Variants in PCDH15 observed in about 807,000 individuals in gnomAD.
The protein encoded by PCDH15 is protocadherin related 15, also known as protocadherin-15.
Under a neutral mutation model 178.5 loss-of-function variants are expected in PCDH15, and 129 were observed. The observed-to-expected ratio is 0.72, with a 90% CI of 0.63 to 0.84. PCDH15 has a LOEUF of 0.84. Among genes scored for constraint, PCDH15 ranks in the 40% least tolerant of loss-of-function variants. The probability of loss-of-function intolerance (pLI) is 0.00; values close to 1 mark genes in which losing one functional copy is unlikely to be tolerated. For synonymous variants in PCDH15, 800 were observed against 732.0 expected (o/e 1.09, Z -1.50); for missense variants, 2,230 against 2,099.9 (o/e 1.06, Z -1.21).
Position 55,463,901 on chromosome 10 carries a change from GAAAGAAAGAAAGAAAGAAAGAAAGAA to G in PCDH15, c.-156+163698_-156+163723del, listed in dbSNP as rs1839739003. 4.8e-3 allele frequency among the ~76,000 whole-genome samples: 48 copies of G among 10,006 alleles called. 5 individuals are homozygous for G. Among genetic ancestry groups the G allele is most frequent in the African/African-American group, 8.9e-3 (42 of 4,718 alleles). 6.6% of individuals were successfully genotyped at this position (10,006 alleles called of 152,430 possible). ...AGAGAGAAAGAGAGGGAGAGAGAGA[GAAAGAAAGAAAGAAAGAAAGAAAGAA>G]AGAAAGAAAGAAAGAAAGAAAGAAA... On this transcript the variant is annotated intron_variant, in intron 2 of 5. Coordinates refer to the PCDH15 transcript ENST00000613346.
At chr10:54,847,969 C>T (rs560015498) in intron 3 of PCDH15, among the ~76,000 whole-genome samples, 30 of 152,260 alleles carry the variant, frequency 2.0e-4, no homozygotes, top group African/African-American at 7.0e-4. Flanking sequence ...TGAATGTTCC[C>T]TCCAAAACTC....
chr10:54,867,736 C>G (rs955211040), intron 3 of PCDH15, among the ~76,000 whole-genome samples: 12 of 152,012 alleles, frequency 7.9e-5, no homozygotes, highest in African/African-American at 2.7e-4. Context: ...ACATACTAGA[C>G]TGAAAAACAA....
At chr10:54,295,496 C>T (rs547877042) in intron 8 of PCDH15, among the ~76,000 whole-genome samples, 2 of 152,322 alleles carry the variant, frequency 1.3e-5, no homozygotes, top group South Asian at 2.1e-4. Flanking sequence ...AGGGTCCACA[C>T]CACCTTTAAG....
intron 2 of PCDH15, among the ~76,000 whole-genome samples, chr10:54,922,682 T>C (rs1837524981): frequency 6.6e-6 from 1 of 152,096 alleles, no homozygotes; most frequent in African/African-American, 2.4e-5. Context: ...ATACCCACAA[T>C]CTTCTTTGAC....
At chr10:55,302,456 T>G (rs1843310904) in intron 1 of PCDH15, among the ~76,000 whole-genome samples, 1 of 152,118 alleles carries the variant, frequency 6.6e-6, no homozygotes, top group Non-Finnish European at 1.5e-5. Flanking sequence ...TGAAAGCTAG[T>G]AAGTACAGAA....
intron 2 of PCDH15, among the ~76,000 whole-genome samples, chr10:55,499,170 T>G (rs1304454493): frequency 6.6e-6 from 1 of 151,710 alleles, no homozygotes; most frequent in Non-Finnish European, 1.5e-5. Context: ...GCAGGGGAAA[T>G]AGCTTATCCA....
chr10:54,725,448 G>A (rs1942340184), intron 1 of PCDH15, among the ~76,000 whole-genome samples: 1 of 146,552 alleles, frequency 6.8e-6, no homozygotes, highest in African/African-American at 2.5e-5. Context: ...AGACCAAGGT[G>A]GAAGGATCAC....
At chr10:54,463,627 T>G (rs2077334310) in intron 3 of PCDH15, among the ~76,000 whole-genome samples, 1 of 152,146 alleles carries the variant, frequency 6.6e-6, no homozygotes, top group South Asian at 2.1e-4. Context: ...CAGAGAGGTA[T>G]AAACACTTCT....
chr10:55,283,172 A>G (rs574253967), intron 1 of PCDH15, among the ~76,000 whole-genome samples: 1 of 152,210 alleles, frequency 6.6e-6, no homozygotes, highest in South Asian at 2.1e-4. Context: ...AGTGTTTGAG[A>G]TATTTCGCAG....
chr10:54,939,310 C>T (rs752315606), intron 2 of PCDH15, among the ~76,000 whole-genome samples: 2 of 150,878 alleles, frequency 1.3e-5, no homozygotes, highest in South Asian at 2.1e-4. Context: ...CTGGCTACCA[C>T]GGTGAAACCT....
At chr10:54,216,182 G>C (rs1025316032) in intron 9 of PCDH15, among the ~76,000 whole-genome samples, 9 of 151,914 alleles carry the variant, frequency 5.9e-5, no homozygotes, top group African/African-American at 2.2e-4. Flanking sequence ...CTGGCTCGGC[G>C]CAGTGGCTCA....
intron 18 of PCDH15, among the ~76,000 whole-genome samples, chr10:54,038,630 G>A (rs2093471862): frequency 6.6e-6 from 1 of 151,876 alleles, no homozygotes; most frequent in Non-Finnish European, 1.5e-5. Flanking sequence ...GGAACCTTCT[G>A]TAGATAAGGT....
At chr10:54,846,485 T>A (rs969415801) in intron 3 of PCDH15, among the ~76,000 whole-genome samples, 9 of 151,632 alleles carry the variant, frequency 5.9e-5, no homozygotes. Context: ...TTTTTGAAGG[T>A]TTTTTGAGGG....
chr10:53,897,444 T>C (rs969753703), intron 26 of PCDH15, among the ~76,000 whole-genome samples: 1 of 152,228 alleles, frequency 6.6e-6, no homozygotes, highest in Non-Finnish European at 1.5e-5. Context: ...AAACATTTTA[T>C]AAATTAAAAA....
chr10:54,374,585 A>G (rs1397594572), intron 4 of PCDH15, among the ~76,000 whole-genome samples: 1 of 152,010 alleles, frequency 6.6e-6, no homozygotes, highest in Non-Finnish European at 1.5e-5. Context: ...GAGACTCTTC[A>G]TGTTCACCCC....
At chr10:55,141,964 A>G (rs551420991) in intron 2 of PCDH15, among the ~76,000 whole-genome samples, 21 of 152,116 alleles carry the variant, frequency 1.4e-4, no homozygotes, top group Non-Finnish European at 2.1e-4. Context: ...GGAAGGCCAC[A>G]TTCTGAGACT....
At chr10:54,123,313 G>A (rs576127499) in intron 15 of PCDH15, among the ~76,000 whole-genome samples, 1 of 151,964 alleles carries the variant, frequency 6.6e-6, no homozygotes, top group Non-Finnish European at 1.5e-5. Context: ...GTAGCTTAAA[G>A]AATTAAACAA....
chr10:55,620,246 A>G (rs1843563821), intron 2 of PCDH15, among the ~76,000 whole-genome samples: 1 of 152,088 alleles, frequency 6.6e-6, no homozygotes, highest in African/African-American at 2.4e-5. Flanking sequence ...AGAACACATG[A>G]CATATTTCAC....
chr10:55,039,849 T>C (rs1267187722), intron 2 of PCDH15, among the ~76,000 whole-genome samples: 1 of 152,080 alleles, frequency 6.6e-6, no homozygotes, highest in Non-Finnish European at 1.5e-5. Context: ...TTGAACTAAA[T>C]GACCAGACAA....
Sources: allele counts gnomAD v4.1 joint callset (sites outside exome capture counted in the v4.1 genomes callset), GRCh38; gene constraint gnomAD v4.1.1; transcripts MANE v1.5; gene names NCBI Gene and HGNC (gene_info 2026-07-23, HGNC 2026-07-21).